The following CACNA1I variants were observed in gnomAD, a reference collection of about 807,000 sequenced individuals.
CACNA1I encodes the protein calcium voltage-gated channel subunit alpha1 I.
In CACNA1I, 74 loss-of-function variants were observed where a neutral mutation model predicts 201.6. The ratio of observed to expected loss-of-function variants is 0.37; its 90% CI spans 0.30 to 0.45. The LOEUF (loss-of-function observed/expected upper bound fraction) is 0.45. CACNA1I is among the 20% of genes least tolerant of loss of function. The pLI is 1.00. For synonymous variants in CACNA1I, 1,431 were observed against 1,345.2 expected (o/e 1.06, Z -1.40); for missense variants, 2,346 against 3,138.1 (o/e 0.75, Z 6.03).
chr22:39,612,569 T>C (rs1601816698), intron 3 of CACNA1I, among the ~76,000 whole-genome samples: 2 of 152,286 alleles, frequency 1.3e-5, no homozygotes, highest in African/African-American at 4.8e-5. Flanking sequence ...ACTTGAGTCC[T>C]CACGTGAAGG....
chr22:39,621,296 C>G (rs1045981561), intron 4 of CACNA1I, among the ~76,000 whole-genome samples: 2 of 152,204 alleles, frequency 1.3e-5, no homozygotes, highest in Non-Finnish European at 1.5e-5. Flanking sequence ...CCCCATCTGC[C>G]AAAGAGTACA....
rs1935807451 is a variant in CACNA1I at position 39,684,723 on chromosome 22, G to A, written c.6027+225G>A. ...GGCTGGGTCCTGGGGACAGCAGAGT[G>A]TGGGGAGGACCCCAAGGCGGGTCTG... On this transcript the variant is annotated intron_variant, in intron 36 of 36. Coordinates refer to ENST00000402142, the MANE Select transcript of CACNA1I (RefSeq NM_021096.4). The surrounding 1 kb of genome is among the most constrained non-coding windows in gnomAD (Gnocchi z 4.6). The A allele has an allele frequency of 1.6e-6, 1 of 609,430 alleles. No homozygotes were observed. The highest frequency in any genetic ancestry group is 2.9e-6 in the Non-Finnish European group (1 of 343,926). 37.8% of individuals were successfully genotyped at this position (609,430 alleles called of 1,614,324 possible). A position where few individuals can be genotyped will look rare whatever the true frequency, so the allele number is the denominator to read the frequency against.
At chr22:39,623,536 G>A (rs1035076925) in intron 4 of CACNA1I, among the ~76,000 whole-genome samples, 3 of 151,442 alleles carry the variant, frequency 2.0e-5, no homozygotes, top group Admixed American at 6.6e-5. Flanking sequence ...CTGAGCATAT[G>A]TGTGCTTGTG....
At chr22:39,612,573 G>A (rs996067322) in intron 3 of CACNA1I, among the ~76,000 whole-genome samples, 3 of 152,130 alleles carry the variant, frequency 2.0e-5, no homozygotes, top group East Asian at 1.9e-4. Context: ...GAGTCCTCAC[G>A]TGAAGGGGCA....
At position 39,686,078 on chromosome 22, in the gene CACNA1I, C is replaced by A. The variant is rs367561389; in HGVS notation, c.6345C>A (p.Gly2115=). ...PSDEEGRGGA[G]GGGAGSEHSE... is the part of the protein sequence containing the mutation. ...ACGAGGAGGGCCGCGGTGGCGCGGG[C>A]GGCGGGGGCGCGGGCAGCGAGCACT... Residue 2115 remains glycine, a synonymous_variant, in exon 37 of 37, where the codon GGC becomes GGA. Transcript: ENST00000402142. 43 of 1,222,622 alleles carry A rather than the reference C, an allele frequency of 3.5e-5. 1 individual carries two copies. The highest frequency in any genetic ancestry group is 3.2e-5 in the African/African-American group (2 of 63,024). The allele number at this position is 1,222,622 out of a possible 1,614,324, so 75.7% of individuals were successfully genotyped here. A position where few individuals can be genotyped will look rare whatever the true frequency, so the allele number is the denominator to read the frequency against.
chr22:39,574,465 G>A (rs1000115813), intron 1 of CACNA1I, among the ~76,000 whole-genome samples: 1 of 152,072 alleles, frequency 6.6e-6, no homozygotes, highest in African/African-American at 2.4e-5. Context: ...GTGGGCTTTA[G>A]GGGCTTGGGA....
chr22:39,608,796 G>A (rs1933297234), intron 3 of CACNA1I, among the ~76,000 whole-genome samples: 1 of 152,040 alleles, frequency 6.6e-6, no homozygotes, highest in African/African-American at 2.4e-5. Flanking sequence ...CTGCAGCCTG[G>A]GTGACAGAGT....
Position 39,662,399 on chromosome 22 carries a change from CG to C in CACNA1I, c.3340del (p.Asp1114IlefsTer20). ...KDVFTKMGDRGDRGEDEEEID... is the reference protein window; with the variant it reads ...KDVFTKMGDRXDRGEDEEEID... ...ACGTCTTCACCAAGATGGGCGACCG[CG>C]GGGATCGCGGGGAGGATGAGGAGGA... On this transcript the variant is annotated frameshift_variant, in exon 17 of 37. Coordinates refer to ENST00000402142, the MANE Select transcript of CACNA1I (RefSeq NM_021096.4). LOFTEE classifies it high-confidence loss of function. 1.4e-6 allele frequency: 2 copies of C among 1,462,748 alleles called. No homozygotes were observed. Among genetic ancestry groups the C allele is most frequent in the South Asian group, 1.4e-5 (1 of 72,088 alleles). The allele number at this position is 1,462,748 out of a possible 1,614,324, so 90.6% of individuals were successfully genotyped here. A position where few individuals can be genotyped will look rare whatever the true frequency, so the allele number is the denominator to read the frequency against.
Position 39,684,574 on chromosome 22 carries a change from A to G in CACNA1I, c.6027+76A>G, listed in dbSNP as rs906658552. On this transcript the variant is annotated intron_variant, in intron 36 of 36. Transcript: ENST00000402142. This position sits in a 1 kb window ranked among gnomAD's most constrained non-coding sequence, Gnocchi z 4.6. ...GATCTAAGCCAGGCCTGGAAGTCCA[A>G]GGGACTGGGAGGGGAAGGACCCAAC... The G allele has an allele frequency of 2.6e-5, 39 of 1,475,318 alleles. No individual in the cohort carries two copies. The East Asian group carries it at 9.2e-4, about 35-fold the overall frequency. 91.4% of individuals were successfully genotyped at this position (1,475,318 alleles called of 1,614,324 possible).
chr22:39,637,440 G>A (rs1002915857), intron 5 of CACNA1I, among the ~76,000 whole-genome samples: 4 of 152,268 alleles, frequency 2.6e-5, no homozygotes, highest in East Asian at 1.9e-4. Flanking sequence ...CCACTGCTGC[G>A]GTGTGGCGTG....
intron 29 of CACNA1I, among the ~76,000 whole-genome samples, chr22:39,675,672 CT>C (rs1461018253): frequency 6.6e-6 from 1 of 152,230 alleles, no homozygotes; most frequent in Non-Finnish European, 1.5e-5. Context: ...ACTTCAGCCT[CT>C]TCCCACCAGT....
At position 39,659,003 on chromosome 22, in the gene CACNA1I, G is replaced by C. The variant is rs1329909955; in HGVS notation, c.2217G>C (p.Leu739=). The C allele has an allele frequency of 6.2e-7, 1 of 1,611,154 alleles. No individual in the cohort carries two copies. The highest frequency in any genetic ancestry group is 1.3e-5 in the African/African-American group (1 of 74,878). ...VLRTFRLLRV[L]KLVRFMPALR... is the part of the protein sequence containing the mutation. Reference sequence around the variant, plus strand: ...GGACCTTCCGGCTGCTGCGCGTGCTGAAACTGGTGCGCTTCATGCCTGCCC... The same window carrying C: ...GGACCTTCCGGCTGCTGCGCGTGCTCAAACTGGTGCGCTTCATGCCTGCCC... The change falls in exon 12 of 37, where the codon CTG becomes CTC. Residue 739 remains leucine (L), a synonymous_variant. Transcript: ENST00000402142. This position sits in a 1 kb window ranked among gnomAD's most constrained non-coding sequence, Gnocchi z 4.3.
Position 39,686,464 on chromosome 22 carries a change from G to A in CACNA1I, c.*59G>A, listed in dbSNP as rs777165488. 6,446 of 1,138,636 alleles carry A rather than the reference G, an allele frequency of 5.7e-3. 27 individuals carry two copies. The highest frequency in any genetic ancestry group is 6.6e-3 in the Non-Finnish European group (5,981 of 905,346). 70.5% of individuals were successfully genotyped at this position (1,138,636 alleles called of 1,614,324 possible). On this transcript the variant is annotated 3_prime_UTR_variant, in exon 37 of 37. Coordinates refer to ENST00000402142, the MANE Select transcript of CACNA1I (RefSeq NM_021096.4). ...CCCCGTCTCACCTTCTTTACCTCAGGAGCCAGGAGCAGACAGCAATACTTC... is the reference window on the plus strand; with the variant it reads ...CCCCGTCTCACCTTCTTTACCTCAGAAGCCAGGAGCAGACAGCAATACTTC...
intron 20 of CACNA1I, among the ~76,000 whole-genome samples, 162 bp downstream of exon 20, chr22:39,664,321 C>A (rs556389731): frequency 6.6e-6 from 1 of 151,758 alleles, no homozygotes; most frequent in Non-Finnish European, 1.5e-5. Context: ...TGGGCTCCCG[C>A]GACCCAGAGG....
chr22:39,663,024 G>A, intron 18 of CACNA1I, 148 bp downstream of exon 18: 1 of 625,368 alleles, frequency 1.6e-6, no homozygotes, highest in South Asian at 1.9e-5. Flanking sequence ...CCAGGGGAGA[G>A]TGCAGCCTCC....
chr22:39,614,153 T>C (rs747619261), intron 3 of CACNA1I, among the ~76,000 whole-genome samples: 36 of 152,212 alleles, frequency 2.4e-4, no homozygotes, highest in Non-Finnish European at 4.7e-4. Flanking sequence ...GGGCCTGACA[T>C]GGGCCCCTTC....
chr22:39,671,201 G>A (rs749466311), intron 26 of CACNA1I, among the ~76,000 whole-genome samples: 3 of 152,206 alleles, frequency 2.0e-5, no homozygotes, highest in African/African-American at 4.8e-5. Flanking sequence ...GATTTGGACC[G>A]TGGCTTGCAC....
At chr22:39,642,114 C>T (rs1366106517) in intron 6 of CACNA1I, among the ~76,000 whole-genome samples, 1 of 152,146 alleles carries the variant, frequency 6.6e-6, no homozygotes, top group Non-Finnish European at 1.5e-5. Flanking sequence ...CCTGTGCTGC[C>T]CTCTGCTGCC....
chr22:39,639,988 C>A (rs781550318), intron 5 of CACNA1I, among the ~76,000 whole-genome samples: 14 of 152,188 alleles, frequency 9.2e-5, no homozygotes, highest in Non-Finnish European at 2.1e-4. Context: ...GGCTCCACGG[C>A]CAAAATGTTG....
Sources: allele counts gnomAD v4.1 joint callset (sites outside exome capture counted in the v4.1 genomes callset), GRCh38; gene constraint gnomAD v4.1.1; non-coding constraint Gnocchi (gnomAD v3.1); transcripts MANE v1.5; gene names NCBI Gene and HGNC (gene_info 2026-07-23, HGNC 2026-07-21).